Variants in MCF2 observed in about 807,000 individuals in gnomAD.
The protein encoded by MCF2 is MCF.2 cell line derived transforming sequence, also known as proto-oncogene DBL.
In MCF2, 44 loss-of-function variants were observed where a neutral mutation model predicts 82.5. The observed-to-expected ratio is 0.53, with a 90% confidence interval of 0.42 to 0.69. The LOEUF (loss-of-function observed/expected upper bound fraction) is 0.69. MCF2 is among the 30% of genes least tolerant of loss of function. The probability of loss-of-function intolerance (pLI) is 0.00; values close to 1 mark genes in which losing one functional copy is unlikely to be tolerated. For synonymous variants in MCF2, 217 were observed against 224.9 expected (o/e 0.96, Z 0.32); for missense variants, 623 against 663.1 (o/e 0.94, Z 0.66).
chrX:139,593,975 A>G (rs1929789864), intron 19 of MCF2, among the ~76,000 whole-genome samples: 1 of 111,029 alleles, frequency 9.0e-6, no homozygotes, highest in South Asian at 3.8e-4. Context: ...CCCATTCACA[A>G]TTGCTACAAA....
intron 1 of MCF2, among the ~76,000 whole-genome samples, chrX:139,663,882 C>T (rs1934428631): frequency 9.0e-6 from 1 of 110,743 alleles, no homozygotes; most frequent in Non-Finnish European, 1.9e-5. Flanking sequence ...ATTGTTATAT[C>T]CACTTGCTGG....
intron 6 of MCF2, among the ~76,000 whole-genome samples, chrX:139,620,821 T>C (rs1470993078): frequency 8.9e-6 from 1 of 111,888 alleles, no homozygotes; most frequent in Non-Finnish European, 1.9e-5. Context: ...ATGTTATTCC[T>C]ATCAAACTAC....
chrX:139,610,330 T>G, exon 11 of MCF2: 1 of 1,175,891 alleles, frequency 8.5e-7, no homozygotes. Flanking sequence ...TGTCTCCAAG[T>G]CTTCTTCCCT....
At chrX:139,676,042 C>G (rs1401716101) in intron 1 of MCF2, among the ~76,000 whole-genome samples, 1 of 112,691 alleles carries the variant, frequency 8.9e-6, no homozygotes, top group Non-Finnish European at 1.9e-5. Context: ...GGACCCCCTC[C>G]CCCTGCTAGG....
intron 1 of MCF2, among the ~76,000 whole-genome samples, chrX:139,670,713 T>A (rs1934660450): frequency 8.9e-6 from 1 of 112,091 alleles, no homozygotes; most frequent in African/African-American, 3.2e-5. Flanking sequence ...AGTCTACCAT[T>A]GATGGACATT....
intron 8 of MCF2, 38 bp from the exon 12 acceptor site, chrX:139,616,511 ATT>A: frequency 2.6e-6 from 2 of 755,756 alleles, no homozygotes; most frequent in Non-Finnish European, 3.7e-6. Flanking sequence ...AAAAATATGA[ATT>A]AATAAAGAGA....
intron 2 of MCF2, among the ~76,000 whole-genome samples, chrX:139,648,704 C>T (rs1933890981): frequency 9.0e-6 from 1 of 111,707 alleles, no homozygotes; most frequent in Non-Finnish European, 1.9e-5. Flanking sequence ...TTATTAAAAG[C>T]AAAGGATAGA....
intron 20 of MCF2, 37 bp downstream of exon 24, chrX:139,589,798 A>C (rs759492072): frequency 1.0e-6 from 1 of 962,001 alleles, no homozygotes; most frequent in South Asian, 2.1e-5. Context: ...ATTTCAATGC[A>C]GGTTTGGGTT....
intron 1 of MCF2, among the ~76,000 whole-genome samples, chrX:139,679,706 A>T (rs998039064): frequency 1.8e-5 from 2 of 110,976 alleles, no homozygotes; most frequent in African/African-American, 3.3e-5. Flanking sequence ...ATCATGTATT[A>T]AAAAAATGAA....
chrX:139,619,719 A>G lies in MCF2; in HGVS notation c.688-13T>C. On this transcript the variant is annotated splice_polypyrimidine_tract_variant and intron_variant, in intron 6 of 24. Transcript: ENST00000370576. ...CTTCAGTCACAAGCTAAAAATACGA[A>G]ACAAAGAGGTTTTAAAAACATAAAA... 1 of 1,113,082 alleles carries G rather than the reference A, an allele frequency of 9.0e-7. No individual in the cohort carries two copies. The highest frequency in any genetic ancestry group is 1.2e-6 in the Non-Finnish European group (1 of 843,824). 91.7% of individuals were successfully genotyped at this position (1,113,082 alleles called of 1,213,427 possible).
chrX:139,673,774 G>A (rs1356195104), intron 1 of MCF2, among the ~76,000 whole-genome samples: 1 of 112,054 alleles, frequency 8.9e-6, no homozygotes, highest in Non-Finnish European at 1.9e-5. Flanking sequence ...ATGTGGTGCT[G>A]TGAAGAATGT....
chrX:139,627,194 G>A (rs187419537), intron 4 of MCF2, among the ~76,000 whole-genome samples: 21 of 111,809 alleles, frequency 1.9e-4, no homozygotes, highest in African/African-American at 2.6e-4. Context: ...AGGCTCCCGC[G>A]TAGCAGGGAC....
At chrX:139,626,642 C>A (rs1157802112) in exon 5 of MCF2, 1 of 1,209,121 alleles carries the variant, frequency 8.3e-7, no homozygotes, top group Admixed American at 2.2e-5. Context: ...GTTTGCCAGT[C>A]ACCACTTATT....
chrX:139,596,713 C>T (rs1378590343), exon 19 of MCF2: 1 of 1,209,894 alleles, frequency 8.3e-7, no homozygotes, highest in South Asian at 1.8e-5. Context: ...TTCTTGTGCC[C>T]TATCCAAACG....
intron 1 of MCF2, among the ~76,000 whole-genome samples, chrX:139,671,430 G>A (rs1359943621): frequency 9.0e-6 from 1 of 111,153 alleles, no homozygotes; most frequent in African/African-American, 3.3e-5. Context: ...TTTCTTCTAG[G>A]GTTTTTATGG....
At chrX:139,700,495 ACCCTTG>A (rs1190686541) in intron 1 of MCF2, among the ~76,000 whole-genome samples, 2 of 111,697 alleles carry the variant, frequency 1.8e-5, no homozygotes, top group African/African-American at 6.5e-5. Context: ...GACTGGAAAT[ACCCTTG>A]TAGTTGGAGG....
At chrX:139,616,541 A>C in intron 8 of MCF2, 68 bp from the exon 12 acceptor site, 2 of 647,881 alleles carry the variant, frequency 3.1e-6, no homozygotes, top group Admixed American at 7.1e-5. Flanking sequence ...TTTGTCCAAT[A>C]AGTGAGTGGT....
At chrX:139,626,105 C>T (rs1268614578) in intron 6 of MCF2, 88 bp downstream of exon 9, 3 of 472,595 alleles carry the variant, frequency 6.3e-6, no homozygotes, top group Non-Finnish European at 1.0e-5. Context: ...TATAAATGGG[C>T]ATCTTGCAAG....
rs17002167 is a variant in MCF2, at chrX:139,598,601, T to C, written c.1837-103A>G. On this transcript the variant is annotated intron_variant, in intron 16 of 24. Transcript: ENST00000370576. ...ACCTAATGCCCCAATGTTTCTTACATCTCAAAGAATATTTATTGGAAAAAT... is the reference window on the plus strand; with the variant it reads ...ACCTAATGCCCCAATGTTTCTTACACCTCAAAGAATATTTATTGGAAAAAT... 5.9e-3 allele frequency: 2,426 copies of C among 411,328 alleles called. 42 individuals carry two copies. Among genetic ancestry groups the C allele is most frequent in the African/African-American group, 0.057 (2,156 of 37,722 alleles). 33.9% of individuals were successfully genotyped at this position (411,328 alleles called of 1,213,427 possible). A position where few individuals can be genotyped will look rare whatever the true frequency, so the allele number is the denominator to read the frequency against.
Sources: allele counts gnomAD v4.1 joint callset (sites outside exome capture counted in the v4.1 genomes callset), GRCh38; gene constraint gnomAD v4.1.1; transcripts MANE v1.5; gene names NCBI Gene and HGNC (gene_info 2026-07-23, HGNC 2026-07-21).